Variants in DCDC1 observed in about 807,000 individuals in gnomAD.
DCDC1 encodes the protein doublecortin domain-containing protein 1.
In DCDC1, 200 loss-of-function variants were observed where a neutral mutation model predicts 178.3. The observed-to-expected ratio is 1.12, with a 90% CI of 1.00 to 1.26. The LOEUF (loss-of-function observed/expected upper bound fraction) is 1.26. Among genes scored for constraint, DCDC1 ranks in the 50% most tolerant of loss-of-function variants. The pLI is 0.00. For missense variants in DCDC1, 1,983 were observed against 1,749.2 expected, an observed-to-expected ratio of 1.13 and a Z score of -2.38; for synonymous variants, 690 against 604.8, an observed-to-expected ratio of 1.14 and a Z score of -2.07.
chr11:31,357,353 T>C lies in DCDC1; in HGVS notation c.-125+12344A>G, dbSNP rs1024089230. On this transcript the variant is annotated intron_variant, in intron 1 of 38. Coordinates refer to ENST00000684477, the MANE Select transcript of DCDC1 (RefSeq NM_001387274.1). ...GACAAAAACCACATGATTATCTCAATAGATGCAGAAAAGGCCTTTGACAAA... is the reference window on the plus strand; with the variant it reads ...GACAAAAACCACATGATTATCTCAACAGATGCAGAAAAGGCCTTTGACAAA... Among the ~76,000 whole-genome samples the C allele has an allele frequency of 3.5e-5, 5 of 143,856 alleles. No individual in the cohort carries two copies. In the South Asian group the frequency reaches 1.1e-3, roughly 32 times the overall value. 94.4% of individuals were successfully genotyped at this position (143,856 alleles called of 152,430 possible).
At chr11:31,355,139 A>G (rs909596649) in intron 1 of DCDC1, among the ~76,000 whole-genome samples, 2 of 152,208 alleles carry the variant, frequency 1.3e-5, no homozygotes, top group Admixed American at 6.5e-5. Context: ...TGCTTAAAAT[A>G]TAAGTGCTGG....
In DCDC1 at chr11:30,864,605, T is replaced by C. The variant is rs1175490433; in HGVS notation, c.*768A>G. On this transcript the variant is annotated 3_prime_UTR_variant, in exon 39 of 39. Transcript: ENST00000684477. Reference sequence around the variant, plus strand: ...AACTGAACCTCATGTCCCCATCATGTTGCTGTGGGGTGGGACTGATGAGTT... The same window carrying C: ...AACTGAACCTCATGTCCCCATCATGCTGCTGTGGGGTGGGACTGATGAGTT... 6.6e-6 allele frequency: 1 copy of C among 152,260 alleles called. No homozygotes were observed. The highest frequency in any genetic ancestry group is 1.9e-4 in the East Asian group (1 of 5,196). The allele number at this position is 152,260 out of a possible 1,614,324, so 9.4% of individuals were successfully genotyped here. A position where few individuals can be genotyped will look rare whatever the true frequency, so the allele number is the denominator to read the frequency against.
intron 3 of DCDC1, among the ~76,000 whole-genome samples, chr11:31,318,805 A>G (rs1325870968): frequency 1.6e-5 from 1 of 62,452 alleles, no homozygotes; most frequent in Non-Finnish European, 2.8e-5. Context: ...AGTGCTATAA[A>G]TTTCCCTCTA....
chr11:31,020,134 C>A (rs1952769146), intron 20 of DCDC1, among the ~76,000 whole-genome samples: 1 of 152,098 alleles, frequency 6.6e-6, no homozygotes. Flanking sequence ...CTAATAACAT[C>A]AAGTAAACAA....
chr11:30,892,836 C>T lies in DCDC1; in HGVS notation c.5064G>A (p.Trp1688Ter). ...GATTTACCTCTGAAATAGTTTTGCCCCAGGCATAAGTGCCATCTTCAGGTC... is the reference window on the plus strand; with the variant it reads ...GATTTACCTCTGAAATAGTTTTGCCTCAGGCATAAGTGCCATCTTCAGGTC... ...GGRPEDGTYA[W>*]GKTISELLQD... The change falls in exon 36 of 39, where the codon TGG becomes TGA. Residue 1688 changes from tryptophan (W) to a stop codon, truncating the protein, a stop_gained. Transcript: ENST00000684477. LOFTEE classifies it high-confidence loss of function. 6.2e-7 allele frequency: 1 copy of T among 1,613,772 alleles called. No individual in the cohort carries two copies. Among genetic ancestry groups the T allele is most frequent in the Non-Finnish European group, 8.5e-7 (1 of 1,179,764 alleles).
At chr11:31,017,480 T>C (rs2135168697) in intron 20 of DCDC1, among the ~76,000 whole-genome samples, 1 of 152,230 alleles carries the variant, frequency 6.6e-6, no homozygotes, top group East Asian at 1.9e-4. Context: ...TAATCAACCC[T>C]GTCTCAAAAA....
At chr11:31,149,233 C>A (rs1024632743) in intron 9 of DCDC1, among the ~76,000 whole-genome samples, 1 of 152,040 alleles carries the variant, frequency 6.6e-6, no homozygotes, top group African/African-American at 2.4e-5. Context: ...TGGGTAAGTA[C>A]CCAGTAGTAG....
Position 30,952,484 on chromosome 11 carries a change from G to A in DCDC1, c.2676C>T (p.Thr892=), listed in dbSNP as rs1049982056. The A allele has an allele frequency of 1.3e-6, 2 of 1,585,708 alleles. No individual in the cohort carries two copies. Among genetic ancestry groups the A allele is most frequent in the East Asian group, 4.5e-5 (2 of 44,686 alleles). ...CACTGGGAAGGACAGGCCACATGTA[G>A]GTAAGCTTGTTCCATAGAGGATTTT... ...RVENPLWNKL[T]YMWPVLPSGQ... Residue 892 remains threonine, a synonymous_variant, in exon 21 of 39, where the codon ACC becomes ACT. Coordinates refer to ENST00000684477, the MANE Select transcript of DCDC1 (RefSeq NM_001387274.1).
Position 31,061,762 on chromosome 11 carries a change from C to T in DCDC1, c.2591+2707G>A, listed in dbSNP as rs147253272. ...TATTAAAAATTCTTTTCTATCTCTA[C>T]TTGTTTTCAGAACATTTTCACAACT... On this transcript the variant is annotated intron_variant, in intron 20 of 38. Coordinates refer to ENST00000684477, the MANE Select transcript of DCDC1 (RefSeq NM_001387274.1). Among the ~76,000 whole-genome samples, 454 of 152,180 alleles carry T rather than the reference C, an allele frequency of 3.0e-3. 3 individuals carry two copies. The highest frequency in any genetic ancestry group is 0.01 in the African/African-American group (425 of 41,548).
intron 11 of DCDC1, among the ~76,000 whole-genome samples, chr11:31,117,978 AT>A (rs1239446823): frequency 6.6e-6 from 1 of 152,100 alleles, no homozygotes; most frequent in Admixed American, 6.6e-5. Context: ...GCTGAGTATG[AT>A]GTATTTTGTA....
chr11:31,118,059 G>A (rs1051276139), intron 11 of DCDC1, among the ~76,000 whole-genome samples: 1 of 152,092 alleles, frequency 6.6e-6, no homozygotes, highest in Non-Finnish European at 1.5e-5. Flanking sequence ...TAGAAAGTCA[G>A]TGTTTTTTTG....
intron 17 of DCDC1, among the ~76,000 whole-genome samples, chr11:31,087,578 T>G (rs1957554803): frequency 6.6e-6 from 1 of 152,156 alleles, no homozygotes; most frequent in Admixed American, 6.5e-5. Flanking sequence ...AATTTCCATT[T>G]TGATGCCTTC....
chr11:31,025,194 T>C (rs1953141176), intron 20 of DCDC1, among the ~76,000 whole-genome samples: 1 of 151,854 alleles, frequency 6.6e-6, no homozygotes, highest in Admixed American at 6.6e-5. Context: ...ATAAGGTTAC[T>C]TGTAATGGAA....
intron 9 of DCDC1, among the ~76,000 whole-genome samples, chr11:31,239,180 C>T (rs1325561819): frequency 1.3e-5 from 2 of 152,020 alleles, no homozygotes; most frequent in Admixed American, 6.6e-5. Context: ...AAATAGGAAT[C>T]ATCATCTACC....
Position 30,906,564 on chromosome 11 carries a change from G to A in DCDC1, c.4080C>T (p.Pro1360=). 6.2e-7 allele frequency: 1 copy of A among 1,613,014 alleles called. No individual in the cohort carries two copies. The highest frequency in any genetic ancestry group is 8.5e-7 in the Non-Finnish European group (1 of 1,179,462). ...CCTCAGCCACACTGATGACCTTGAA[G>A]GGCCCTTGTAAGAAGGGCTTCTGAG... ...TKTQKPFLQG[P]FKVISVAEVD... The change falls in exon 30 of 39, where the codon CCC becomes CCT. Residue 1360 remains proline, a synonymous_variant. Coordinates refer to ENST00000684477, the MANE Select transcript of DCDC1 (RefSeq NM_001387274.1).
At chr11:31,235,802 A>C (rs1438524763) in intron 9 of DCDC1, among the ~76,000 whole-genome samples, 1 of 151,990 alleles carries the variant, frequency 6.6e-6, no homozygotes, top group African/African-American at 2.4e-5. Context: ...ATACCATTTG[A>C]AACGTAAGTT....
intron 21 of DCDC1, among the ~76,000 whole-genome samples, chr11:30,933,715 C>T (rs1302317495): frequency 6.6e-6 from 1 of 152,112 alleles, no homozygotes; most frequent in African/African-American, 2.4e-5. Flanking sequence ...CTCACGCATC[C>T]AAACCCAAAG....
chr11:30,881,624 A>G (rs553154496), intron 36 of DCDC1, among the ~76,000 whole-genome samples: 10 of 152,152 alleles, frequency 6.6e-5, no homozygotes, highest in Non-Finnish European at 1.0e-4. Flanking sequence ...GACTTCTCAA[A>G]TTAGCTAAAA....
intron 9 of DCDC1, among the ~76,000 whole-genome samples, chr11:31,205,409 A>G (rs943438055): frequency 3.9e-5 from 6 of 152,324 alleles, no homozygotes; most frequent in Admixed American, 3.9e-4. Flanking sequence ...TACTGTAAAC[A>G]TATTTAAGAA....
Sources: allele counts gnomAD v4.1 joint callset (sites outside exome capture counted in the v4.1 genomes callset), GRCh38; gene constraint gnomAD v4.1.1; transcripts MANE v1.5; gene names NCBI Gene and HGNC (gene_info 2026-07-23, HGNC 2026-07-21).